Variants in TSPAN7 observed in about 807,000 individuals in gnomAD.
The protein encoded by TSPAN7 is tetraspanin-7.
In TSPAN7, 1 loss-of-function variant was observed where a neutral mutation model predicts 17.6. The ratio of observed to expected loss-of-function variants is 0.06; its 90% CI spans 0.02 to 0.27. TSPAN7 has a LOEUF of 0.27. Ranked by LOEUF, TSPAN7 falls within the 10% of genes least tolerant of loss-of-function variation. The pLI is 1.00. For synonymous variants in TSPAN7, 78 were observed against 79.0 expected (o/e 0.99, Z 0.07); for missense variants, 112 against 201.7 (o/e 0.56, Z 2.69).
At chrX:38,641,721 C>T (rs772790333) in intron 1 of TSPAN7, among the ~76,000 whole-genome samples, 5 of 111,918 alleles carry the variant, frequency 4.5e-5, no homozygotes, top group African/African-American at 1.6e-4. Flanking sequence ...CCCCATGATG[C>T]AGACATTATC....
chrX:38,684,768 A>G (rs1190340094), intron 6 of TSPAN7, among the ~76,000 whole-genome samples: 2 of 110,699 alleles, frequency 1.8e-5, no homozygotes, highest in Non-Finnish European at 1.9e-5. Context: ...AGTCCTGAGT[A>G]AAGACAGTAG....
At chrX:38,660,873 C>A (rs2069739971) in intron 1 of TSPAN7, among the ~76,000 whole-genome samples, 1 of 111,208 alleles carries the variant, frequency 9.0e-6, no homozygotes, top group African/African-American at 3.3e-5. Context: ...TGAACTTGTG[C>A]CATCATTAGA....
At chrX:38,670,276 G>A (rs944827264) in intron 2 of TSPAN7, among the ~76,000 whole-genome samples, 3 of 111,875 alleles carry the variant, frequency 2.7e-5, no homozygotes, top group African/African-American at 9.7e-5. Flanking sequence ...TTTGAAATAA[G>A]AAGCAGATTG....
chrX:38,622,855 T>C (rs2069496754), intron 1 of TSPAN7: 1 of 330,761 alleles, frequency 3.0e-6, no homozygotes, highest in Non-Finnish European at 5.9e-6. Flanking sequence ...ATCTGCAAAA[T>C]GATATGCAAA....
At chrX:38,624,460 C>G (rs761012924) in intron 1 of TSPAN7, among the ~76,000 whole-genome samples, 1 of 112,006 alleles carries the variant, frequency 8.9e-6, no homozygotes, top group Non-Finnish European at 1.9e-5. Context: ...TGTTAACAGT[C>G]GAGAGACTTC....
chrX:38,654,727 AGG>A (rs1326672870), intron 1 of TSPAN7, among the ~76,000 whole-genome samples: 5 of 34,107 alleles, frequency 1.5e-4, no homozygotes, highest in Admixed American at 4.8e-4. Flanking sequence ...ACCCATGAAT[AGG>A]ATGAATAGGA....
intron 1 of TSPAN7, among the ~76,000 whole-genome samples, chrX:38,636,060 G>GT (rs948585951): frequency 1.2e-4 from 12 of 99,041 alleles, no homozygotes; most frequent in African/African-American, 1.6e-4. Context: ...GCTAATTAGG[G>GT]TTTTTTTTCA....
chrX:38,663,162 CACACACACACACACACACAG>C (rs1222036697), intron 1 of TSPAN7, among the ~76,000 whole-genome samples: 2 of 107,082 alleles, frequency 1.9e-5, no homozygotes, highest in Non-Finnish European at 1.9e-5. Flanking sequence ...TACACACACA[CACACACACACACACACACAG>C]ACACACACAC....
chrX:38,671,212 A>T, intron 2 of TSPAN7, among the ~76,000 whole-genome samples, 164 bp from the exon 3 acceptor site: 1 of 112,432 alleles, frequency 8.9e-6, no homozygotes. Context: ...ATTGAGGCTT[A>T]TGTGGGTAAA....
chrX:38,646,152 A>G (rs1333913441), intron 1 of TSPAN7: 1 of 716,566 alleles, frequency 1.4e-6, no homozygotes, highest in Non-Finnish European at 1.9e-6. Flanking sequence ...TCTATAAAAA[A>G]AAAACCTGTA....
chrX:38,561,734 G>C (rs6610150), intron 1 of TSPAN7, 107 bp downstream of exon 1: 107,168 of 684,761 alleles, frequency 0.16, 9,375 homozygotes, highest in African/African-American at 0.53. Flanking sequence ...AATCAAATCT[G>C]GGACCCCTCT....
chrX:38,679,372 A>T (rs747743720), intron 5 of TSPAN7, among the ~76,000 whole-genome samples: 8 of 112,273 alleles, frequency 7.1e-5, no homozygotes, highest in African/African-American at 2.6e-4. Flanking sequence ...CAGGGAGAAG[A>T]TATAGTAATG....
chrX:38,676,229 G>T (rs1355062362), intron 5 of TSPAN7, among the ~76,000 whole-genome samples: 1 of 111,214 alleles, frequency 9.0e-6, no homozygotes, highest in Non-Finnish European at 1.9e-5. Flanking sequence ...TTGCAGCTGG[G>T]TGTCAGTTTT....
rs137909737 is a variant in TSPAN7, at chrX:38,667,505, A to G, written c.270+1196A>G. Among the ~76,000 whole-genome samples, 628 of 112,259 alleles carry G rather than the reference A, an allele frequency of 5.6e-3. 3 individuals carry two copies. The highest frequency in any genetic ancestry group is 0.019 in the African/African-American group (585 of 30,882). On this transcript the variant is annotated intron_variant, in intron 2 of 7. Coordinates refer to ENST00000378482, the MANE Select transcript of TSPAN7 (RefSeq NM_004615.4). ...GCCCTAGGTTGTAGTAACATTTAAT[A>G]CCATCTAGTGATATATGTGGGTGTG...
intron 1 of TSPAN7, among the ~76,000 whole-genome samples, chrX:38,570,465 A>G (rs761428562): frequency 8.9e-6 from 1 of 111,783 alleles, no homozygotes; most frequent in Non-Finnish European, 1.9e-5. Flanking sequence ...TCTCCATTCT[A>G]ATCACAACTA....
At chrX:38,629,123 C>A (rs1246254984) in intron 1 of TSPAN7, among the ~76,000 whole-genome samples, 1 of 112,253 alleles carries the variant, frequency 8.9e-6, no homozygotes, top group East Asian at 2.8e-4. Context: ...ATGAAATGTT[C>A]TGTATTCTTT....
chrX:38,659,823 C>CTTTTTTTTTTTTTTTTTTTTTT (rs748922281), intron 1 of TSPAN7, among the ~76,000 whole-genome samples: 1 of 61,605 alleles, frequency 1.6e-5, no homozygotes, highest in Non-Finnish European at 2.9e-5. Context: ...TTTTCTTTTT[C>CTTTTTTTTTTTTTTTTTTTTTT]TTTTTTTTTT....
rs776478481 is a variant in TSPAN7 at position 38,604,482 on chromosome X, CCCA to C, written c.81+42859_81+42861del. ...CACAAGGGTTGAACTAGTTTACAGT[CCCA>C]CCAACAGTGTAAAAGTGTTCCTATT... On this transcript the variant is annotated intron_variant, in intron 1 of 7. Transcript: ENST00000378482. Among the ~76,000 whole-genome samples the C allele has an allele frequency of 2.0e-3, 224 of 110,595 alleles. 1 individual carries two copies. The highest frequency in any genetic ancestry group is 0.01 in the South Asian group (27 of 2,585).
chrX:38,564,670 G>A (rs1209004257), intron 1 of TSPAN7, among the ~76,000 whole-genome samples: 1 of 112,329 alleles, frequency 8.9e-6, no homozygotes, highest in Non-Finnish European at 1.9e-5. Context: ...TATAGCCTTA[G>A]TAGGTGTGAA....
Sources: allele counts gnomAD v4.1 joint callset (sites outside exome capture counted in the v4.1 genomes callset), GRCh38; gene constraint gnomAD v4.1.1; transcripts MANE v1.5; gene names NCBI Gene and HGNC (gene_info 2026-07-23, HGNC 2026-07-21).